SHISAL2A: variants seen among roughly 807,000 people sequenced by gnomAD.
SHISAL2A encodes the protein shisa like 2A.
In SHISAL2A, 18 loss-of-function variants were observed where a neutral mutation model predicts 11.5. That is an observed-to-expected ratio of 1.57 (90% confidence interval 1.08 to 2.33). The LOEUF (loss-of-function observed/expected upper bound fraction) is 2.33, where lower values mean the gene tolerates loss of function less well. Among genes scored for constraint, SHISAL2A ranks in the 30% most tolerant of loss-of-function variants. SHISAL2A has a pLI of 0.00. For synonymous variants in SHISAL2A, 94 were observed against 99.6 expected, an observed-to-expected ratio of 0.94 and a Z score of 0.34; for missense variants, 261 against 250.9, an observed-to-expected ratio of 1.04 and a Z score of -0.27.
At chr1:52,656,230 A>G (rs1003675487) in intron 2 of SHISAL2A, among the ~76,000 whole-genome samples, 2 of 152,216 alleles carry the variant, frequency 1.3e-5, no homozygotes, top group South Asian at 2.1e-4. Flanking sequence ...AGAAGTGACT[A>G]TGGGTTTAGT....
downstream of SHISAL2A, among the ~76,000 whole-genome samples, chr1:52,657,973 C>T (rs1385865997): frequency 6.6e-6 from 1 of 152,160 alleles, no homozygotes; most frequent in Non-Finnish European, 1.5e-5. Flanking sequence ...AGTCCCCTTG[C>T]TGGGTTATTG....
intron 1 of SHISAL2A, among the ~76,000 whole-genome samples, chr1:52,639,609 C>T (rs1042300382): frequency 1.3e-5 from 2 of 151,744 alleles, no homozygotes; most frequent in South Asian, 2.1e-4. Context: ...AAAAATTAGC[C>T]GGGCGTGGTG....
intron 1 of SHISAL2A, among the ~76,000 whole-genome samples, chr1:52,635,268 G>T (rs1571675127): frequency 6.6e-6 from 1 of 152,088 alleles, no homozygotes; most frequent in Admixed American, 6.6e-5. Flanking sequence ...AGAACAACAG[G>T]TTTTGCAGCA....
At chr1:52,647,674 A>G (rs932233503) in intron 2 of SHISAL2A, among the ~76,000 whole-genome samples, 1 of 151,846 alleles carries the variant, frequency 6.6e-6, no homozygotes, top group Non-Finnish European at 1.5e-5. Context: ...GGTGAAACCC[A>G]TCCCTACAAA....
chr1:52,647,643 C>T (rs569643142), intron 2 of SHISAL2A, among the ~76,000 whole-genome samples: 27 of 151,914 alleles, frequency 1.8e-4, no homozygotes, highest in African/African-American at 5.6e-4. Context: ...GTCAGAAGTT[C>T]GAGACCAGCC....
downstream of SHISAL2A, among the ~76,000 whole-genome samples, chr1:52,657,430 G>T (rs1257675013): frequency 6.6e-6 from 1 of 152,124 alleles, no homozygotes; most frequent in Non-Finnish European, 1.5e-5. Flanking sequence ...CAGCAGCTCT[G>T]CCTCACCCTG....
chr1:52,665,273 T>C (rs1691990484), intron 4 of SHISAL2A, among the ~76,000 whole-genome samples: 1 of 152,172 alleles, frequency 6.6e-6, no homozygotes, highest in Admixed American at 6.5e-5. Flanking sequence ...GTGCTAAAGG[T>C]CTGTAATTGT....
intron 1 of SHISAL2A, among the ~76,000 whole-genome samples, chr1:52,641,789 T>A (rs946954223): frequency 1.2e-4 from 18 of 151,396 alleles, no homozygotes; most frequent in African/African-American, 2.2e-4. Context: ...TTTCTTTTTT[T>A]TAAAAAAAGA....
rs1228644336 is a variant in SHISAL2A at position 52,633,835 on chromosome 1, T to C, written c.182+160T>C. Among the ~76,000 whole-genome samples the C allele has an allele frequency of 6.6e-6, 1 of 151,732 alleles. No homozygotes were observed. Among genetic ancestry groups the C allele is most frequent in the Non-Finnish European group, 1.5e-5 (1 of 67,940 alleles). On this transcript the variant is annotated intron_variant, in intron 1 of 2. Transcript: ENST00000517870. The surrounding 1 kb of genome is among the most constrained non-coding windows in gnomAD (Gnocchi z 6.4). ...GCATCAACCACCCCGTGAAACCCCA[T>C]CTCAGCTCGATTTCCTCATCCTGAC...
intron 1 of SHISAL2A, among the ~76,000 whole-genome samples, chr1:52,640,622 A>AG (rs1558085959): frequency 6.6e-6 from 1 of 151,890 alleles, no homozygotes; most frequent in African/African-American, 2.4e-5. Flanking sequence ...AAAAAAAAAA[A>AG]CAAACAAAAA....
At chr1:52,634,757 T>A (rs1691203771) in intron 1 of SHISAL2A, among the ~76,000 whole-genome samples, 1 of 152,190 alleles carries the variant, frequency 6.6e-6, no homozygotes, top group South Asian at 2.1e-4. Context: ...CAGAGGCTGC[T>A]GCCCTCTGGG....
chr1:52,668,101 C>T (rs903602367), intron 5 of SHISAL2A, among the ~76,000 whole-genome samples: 3 of 152,172 alleles, frequency 2.0e-5, no homozygotes, highest in Non-Finnish European at 4.4e-5. Context: ...AGGCTTTGCA[C>T]GTCCAGAAAA....
At chr1:52,642,511 C>T (rs546281962) in intron 1 of SHISAL2A, among the ~76,000 whole-genome samples, 14 of 151,814 alleles carry the variant, frequency 9.2e-5, no homozygotes, top group South Asian at 2.1e-4. Flanking sequence ...CTGCAACCTC[C>T]GCCTCCCGAG....
downstream of SHISAL2A, chr1:52,657,204 T>G: frequency 1.0e-6 from 1 of 958,670 alleles, no homozygotes; most frequent in East Asian, 2.6e-5. Flanking sequence ...TGGCCTATTG[T>G]GGGCCAAAGA....
intron 1 of SHISAL2A, among the ~76,000 whole-genome samples, chr1:52,639,677 T>C (rs1475079779): frequency 6.6e-6 from 1 of 152,000 alleles, no homozygotes; most frequent in African/African-American, 2.4e-5. Flanking sequence ...GGCATGAACC[T>C]GGGAGGCGGA....
chr1:52,657,198 C>A (rs1375487289), downstream of SHISAL2A: 1 of 993,468 alleles, frequency 1.0e-6, no homozygotes, highest in Non-Finnish European at 1.4e-6. Context: ...TCTGCTTGGC[C>A]TATTGTGGGC....
chr1:52,650,436 C>T (rs189529763), intron 2 of SHISAL2A, among the ~76,000 whole-genome samples: 7 of 152,204 alleles, frequency 4.6e-5, no homozygotes, highest in Admixed American at 2.6e-4. Context: ...ATTTTTCTCT[C>T]GGCCTCAATT....
intron 2 of SHISAL2A, among the ~76,000 whole-genome samples, chr1:52,645,574 A>AT (rs11433795): frequency 0.35 from 52,895 of 151,926 alleles, 9,360 homozygotes; most frequent in Middle Eastern, 0.42. Context: ...CACCTGGCTA[A>AT]TTTTTTGTAT....
At chr1:52,648,615 A>G (rs1245615219) in intron 2 of SHISAL2A, among the ~76,000 whole-genome samples, 2 of 152,118 alleles carry the variant, frequency 1.3e-5, no homozygotes, top group African/African-American at 4.8e-5. Flanking sequence ...CTTTCCAGCT[A>G]TCCCAGTGAG....
Sources: allele counts gnomAD v4.1 joint callset (sites outside exome capture counted in the v4.1 genomes callset), GRCh38; gene constraint gnomAD v4.1.1; non-coding constraint Gnocchi (gnomAD v3.1); transcripts MANE v1.5; gene names NCBI Gene and HGNC (gene_info 2026-07-23, HGNC 2026-07-21).